The following KCTD16 variants were observed in gnomAD, a reference collection of about 807,000 sequenced individuals.
KCTD16 encodes potassium channel tetramerization domain containing 16.
A neutral mutation model predicts 33.2 loss-of-function variants in KCTD16; 13 were observed. That is an observed-to-expected ratio of 0.39 (90% CI 0.25 to 0.62). KCTD16 has a LOEUF of 0.62. KCTD16 is among the 20% of genes least tolerant of loss of function. The pLI, the probability that KCTD16 is intolerant of heterozygous loss-of-function variation, is 0.50. For synonymous variants in KCTD16, 197 were observed against 195.3 expected, an observed-to-expected ratio of 1.01 and a Z score of -0.07; for missense variants, 441 against 525.1, an observed-to-expected ratio of 0.84 and a Z score of 1.57.
chr5:144,437,247 C>G (rs1753599671), intron 3 of KCTD16, among the ~76,000 whole-genome samples: 2 of 152,144 alleles, frequency 1.3e-5, no homozygotes, highest in African/African-American at 2.4e-5. Flanking sequence ...ACTCACCAAG[C>G]CTGAGTTAAG....
chr5:144,208,512 C>G (rs915035763), intron 3 of KCTD16, among the ~76,000 whole-genome samples: 2 of 152,152 alleles, frequency 1.3e-5, no homozygotes, highest in Non-Finnish European at 2.9e-5. Flanking sequence ...TCAACAGGCC[C>G]AGGAGTTGGG....
intron 3 of KCTD16, among the ~76,000 whole-genome samples, chr5:144,237,670 A>G (rs1373849803): frequency 6.6e-6 from 1 of 152,108 alleles, no homozygotes; most frequent in Non-Finnish European, 1.5e-5. Context: ...AAAAACACCA[A>G]CCACCAACAA....
chr5:144,362,124 C>T (rs1290605716), intron 3 of KCTD16, among the ~76,000 whole-genome samples: 1 of 152,132 alleles, frequency 6.6e-6, no homozygotes, highest in Non-Finnish European at 1.5e-5. Context: ...GTGATCTCTT[C>T]AAACTACTAG....
chr5:144,200,765 T>C (rs562362271), intron 2 of KCTD16, among the ~76,000 whole-genome samples: 1 of 152,282 alleles, frequency 6.6e-6, no homozygotes, highest in African/African-American at 2.4e-5. Context: ...TGAGGTAGGG[T>C]CTCACTCTGT....
At chr5:144,289,087 G>A (rs914974608) in intron 3 of KCTD16, among the ~76,000 whole-genome samples, 1 of 152,058 alleles carries the variant, frequency 6.6e-6, no homozygotes, top group Non-Finnish European at 1.5e-5. Context: ...CTCAGGAATG[G>A]GATCCTTAAA....
chr5:144,235,163 G>T (rs1444027108), intron 3 of KCTD16, among the ~76,000 whole-genome samples: 1 of 152,142 alleles, frequency 6.6e-6, no homozygotes, highest in East Asian at 1.9e-4. Context: ...TTGCATGGGT[G>T]ATAATCTTGT....
chr5:144,223,399 G>T (rs192241922), intron 3 of KCTD16, among the ~76,000 whole-genome samples: 156 of 152,136 alleles, frequency 1.0e-3, no homozygotes, highest in African/African-American at 2.9e-3. Context: ...TAGCTAATAA[G>T]CTAGTAAAGA....
At chr5:144,398,708 A>ACTCTCTCTCTCTCTCTCTCT (rs367796082) in intron 3 of KCTD16, among the ~76,000 whole-genome samples, 150 of 145,516 alleles carry the variant, frequency 1.0e-3, no homozygotes, top group African/African-American at 3.6e-3. Context: ...ACACACACAC[A>ACTCTCTCTCTCTCTCTCTCT]CTCTCTCTCT....
At chr5:144,217,245 A>T (rs1347320865) in intron 3 of KCTD16, among the ~76,000 whole-genome samples, 2 of 152,204 alleles carry the variant, frequency 1.3e-5, no homozygotes, top group African/African-American at 2.4e-5. Context: ...ACATTTTCCT[A>T]TGGGCATATG....
chr5:144,178,255 G>A (rs1026833897), intron 2 of KCTD16, among the ~76,000 whole-genome samples: 2 of 151,942 alleles, frequency 1.3e-5, no homozygotes, highest in Non-Finnish European at 2.9e-5. Context: ...TTTTTCACTC[G>A]TGATGATTTT....
At chr5:144,256,782 G>C (rs1754861276) in intron 3 of KCTD16, among the ~76,000 whole-genome samples, 1 of 134,968 alleles carries the variant, frequency 7.4e-6, no homozygotes, top group Non-Finnish European at 1.5e-5. Flanking sequence ...GAAAATTATT[G>C]TATACCAAAA....
chr5:144,238,392 C>G (rs922627675), intron 3 of KCTD16, among the ~76,000 whole-genome samples: 2 of 152,108 alleles, frequency 1.3e-5, no homozygotes, highest in Admixed American at 6.6e-5. Context: ...CCTGGAGAAT[C>G]GATGAGCTCA....
chr5:144,300,024 C>T (rs1179745468), intron 3 of KCTD16, among the ~76,000 whole-genome samples: 1 of 152,020 alleles, frequency 6.6e-6, no homozygotes, highest in Admixed American at 6.6e-5. Flanking sequence ...TACAGATTAT[C>T]CTATGATCAG....
At chr5:144,389,478 C>T (rs970580015) in intron 3 of KCTD16, among the ~76,000 whole-genome samples, 1 of 151,944 alleles carries the variant, frequency 6.6e-6, no homozygotes. Flanking sequence ...TGATGATCGT[C>T]ACTGTCTCCT....
chr5:144,408,906 C>T (rs1427038982), intron 3 of KCTD16, among the ~76,000 whole-genome samples: 1 of 152,334 alleles, frequency 6.6e-6, no homozygotes, highest in Non-Finnish European at 1.5e-5. Flanking sequence ...GGTCAAATGC[C>T]ACCTTTTCAG....
At chr5:144,342,199 A>G (rs546851874) in intron 3 of KCTD16, among the ~76,000 whole-genome samples, 6 of 152,066 alleles carry the variant, frequency 3.9e-5, no homozygotes, top group Non-Finnish European at 8.8e-5. Context: ...GATTCTTCCT[A>G]CCCATGAGCA....
At chr5:144,309,723 C>T (rs1751709042) in intron 3 of KCTD16, among the ~76,000 whole-genome samples, 1 of 152,172 alleles carries the variant, frequency 6.6e-6, no homozygotes, top group African/African-American at 2.4e-5. Context: ...AACTCACACA[C>T]TGGTCCTAAG....
chr5:144,355,887 C>A (rs73303923), intron 3 of KCTD16, among the ~76,000 whole-genome samples: 2,192 of 152,204 alleles, frequency 0.014, 57 homozygotes, highest in African/African-American at 0.05. Flanking sequence ...CCTATCTATT[C>A]TTGTAAATCA....
intron 3 of KCTD16, among the ~76,000 whole-genome samples, chr5:144,370,059 A>G (rs1296769554): frequency 2.0e-5 from 3 of 152,108 alleles, no homozygotes; most frequent in Non-Finnish European, 4.4e-5. Flanking sequence ...AGATAGGGAG[A>G]GAATATGAAG....
Sources: gnomAD v4.1 joint callset for allele counts (sites outside exome capture counted in the v4.1 genomes callset) on GRCh38, gnomAD v4.1.1 for gene constraint, MANE v1.5 for transcripts, NCBI Gene and HGNC (gene_info 2026-07-23, HGNC 2026-07-21) for gene names.